The following OVCH1 variants were observed in gnomAD, a reference collection of about 807,000 sequenced individuals.
OVCH1 encodes ovochymase-1.
Under a neutral mutation model 138.4 loss-of-function variants are expected in OVCH1, and 139 were observed. That is an observed-to-expected ratio of 1.00 (90% CI 0.87 to 1.16). OVCH1 has a LOEUF of 1.16. Ranked by LOEUF, OVCH1 falls within the 50% of genes most tolerant of loss-of-function variation. The probability of loss-of-function intolerance (pLI) is 0.00; values close to 1 mark genes in which losing one functional copy is unlikely to be tolerated. For synonymous variants in OVCH1, 453 were observed against 467.8 expected (o/e 0.97, Z 0.41); for missense variants, 1,367 against 1,357.9 (o/e 1.01, Z -0.11).
exon 18 of OVCH1, chr12:29,464,564 C>T (rs1443995137): frequency 1.1e-5 from 17 of 1,613,510 alleles, no homozygotes; most frequent in Non-Finnish European, 1.4e-5. Context: ...AATAGAGGCT[C>T]TGCGCTGTGT....
chr12:29,488,621 A>C (rs924448592), intron 6 of OVCH1, among the ~76,000 whole-genome samples: 2 of 51,246 alleles, frequency 3.9e-5, no homozygotes, highest in Non-Finnish European at 9.4e-5. Flanking sequence ...ACTCCATCTC[A>C]AAAAAAAAAA....
At chr12:29,471,490 G>A (rs2136006580) in intron 16 of OVCH1, among the ~76,000 whole-genome samples, 1 of 152,242 alleles carries the variant, frequency 6.6e-6, no homozygotes, top group Non-Finnish European at 1.5e-5. Flanking sequence ...CATGAGAGGA[G>A]TCTTCAAATA....
Position 29,497,140 on chromosome 12 carries a change from G to A in OVCH1, c.65-466C>T, listed in dbSNP as rs988945299. Among the ~76,000 whole-genome samples the A allele has an allele frequency of 4.6e-5, 7 of 152,132 alleles. No homozygotes were observed. In the South Asian group the frequency reaches 8.3e-4, roughly 18 times the overall value. ...AAAAATTAGCCAAGTGTGGTGGTAC[G>A]TGCCTATGGTCCCAGCTACTCAGGA... On this transcript the variant is annotated intron_variant, in intron 1 of 27. Transcript: ENST00000318184.
rs67595567 is a variant in OVCH1, at chr12:29,488,620, C to CAAAAAAAAAA, written c.703-748_703-739dup. Among the ~76,000 whole-genome samples the CAAAAAAAAAA allele has an allele frequency of 2.3e-3, 141 of 61,732 alleles. 3 individuals are homozygous for CAAAAAAAAAA. The highest frequency in any genetic ancestry group is 8.8e-3 in the African/African-American group (130 of 14,758). 40.5% of individuals were successfully genotyped at this position (61,732 alleles called of 152,430 possible). On this transcript the variant is annotated intron_variant, in intron 6 of 27. Transcript: ENST00000318184. The stretch of plus-strand genomic sequence containing the variant: ...TGGGCAACAGAGTGAGACTCCATCT[C>CAAAAAAAAAA]AAAAAAAAAAAAAAAAAAAAAAAGA...
chr12:29,460,077 A>G (rs963920420), intron 19 of OVCH1, among the ~76,000 whole-genome samples: 1 of 152,142 alleles, frequency 6.6e-6, no homozygotes, highest in African/African-American at 2.4e-5. Context: ...TAAAATCTCA[A>G]CTTCCAGTTT....
At chr12:29,404,457 C>A in the OVCH1 span, among the ~76,000 whole-genome samples, 1 of 152,234 alleles carries the variant, frequency 6.6e-6, no homozygotes, top group Non-Finnish European at 1.5e-5. Flanking sequence ...TTTCTGCTCA[C>A]AACCTAATAG....
chr12:29,449,451 G>T lies in OVCH1; in HGVS notation c.2755+1894C>A, dbSNP rs150226554. 3.5e-3 allele frequency among the ~76,000 whole-genome samples: 539 copies of T among 152,092 alleles called. 2 individuals are homozygous for T. Among genetic ancestry groups the T allele is most frequent in the African/African-American group, 0.012 (512 of 41,494 alleles). ...GCATTGAATCTATAAATTACTTTGG[G>T]CAGTATGGCCATTTTCACAATATTG... is the stretch of plus-strand genomic sequence containing the variant. On this transcript the variant is annotated intron_variant, in intron 22 of 27. Coordinates refer to ENST00000318184, the Ensembl canonical transcript of OVCH1.
intron 3 of OVCH1, among the ~76,000 whole-genome samples, chr12:29,417,157 G>A (rs1030079784): frequency 1.3e-5 from 2 of 152,166 alleles, no homozygotes; most frequent in Non-Finnish European, 2.9e-5. Flanking sequence ...ATTAGTGGTT[G>A]CCAGGGATCT....
At chr12:29,475,853 G>C (rs1162815835) in intron 13 of OVCH1, among the ~76,000 whole-genome samples, 3 of 152,138 alleles carry the variant, frequency 2.0e-5, no homozygotes, top group Non-Finnish European at 4.4e-5. Flanking sequence ...ATAGCTTTTG[G>C]TTACTTTTCC....
Position 29,489,896 on chromosome 12 carries a change from G to A in OVCH1, c.551-125C>T, listed in dbSNP as rs1404678631. On this transcript the variant is annotated intron_variant, in intron 5 of 27. Coordinates refer to ENST00000318184, the Ensembl canonical transcript of OVCH1. Reference sequence around the variant, plus strand: ...CACATGTAGAAGTAATTGTTTTTAGGTGTGAATCATATTCACTTCTAAAAA... The same window carrying A: ...CACATGTAGAAGTAATTGTTTTTAGATGTGAATCATATTCACTTCTAAAAA... The A allele has an allele frequency of 9.4e-6, 10 of 1,063,568 alleles. No homozygotes were observed. In the African/African-American group the frequency reaches 1.1e-4, roughly 12 times the overall value. The allele number at this position is 1,063,568 out of a possible 1,614,324, so 65.9% of individuals were successfully genotyped here.
chr12:29,433,296 C>T (rs1941302144), intron 27 of OVCH1, among the ~76,000 whole-genome samples: 1 of 152,054 alleles, frequency 6.6e-6, no homozygotes, highest in Non-Finnish European at 1.5e-5. Flanking sequence ...ATGTTGTTCT[C>T]GTGATTATGA....
At chr12:29,493,898 G>A (rs773543056) in intron 4 of OVCH1, among the ~76,000 whole-genome samples, 7 of 151,998 alleles carry the variant, frequency 4.6e-5, no homozygotes, top group Non-Finnish European at 8.8e-5. Context: ...AAACTTTATG[G>A]GAATATATTA....
intron 1 of OVCH1, among the ~76,000 whole-genome samples, chr12:29,497,050 C>T (rs1419323503): frequency 1.3e-5 from 2 of 152,138 alleles, no homozygotes; most frequent in African/African-American, 2.4e-5. Context: ...GTAGGCTGAT[C>T]ACTTGAACCC....
At chr12:29,437,725 T>C (rs994235096) in intron 26 of OVCH1, among the ~76,000 whole-genome samples, 4 of 152,196 alleles carry the variant, frequency 2.6e-5, no homozygotes, top group Non-Finnish European at 5.9e-5. Flanking sequence ...GATTGTGTAG[T>C]AACTGGTATG....
intron 16 of OVCH1, among the ~76,000 whole-genome samples, chr12:29,469,709 G>C (rs73278770): frequency 2.3e-5 from 3 of 127,986 alleles, no homozygotes; most frequent in Non-Finnish European, 5.1e-5. Context: ...GCAAGACCCC[G>C]TGTCTTAAAA....
chr12:29,453,136 T>G (rs1941845602), intron 21 of OVCH1, among the ~76,000 whole-genome samples: 1 of 152,140 alleles, frequency 6.6e-6, no homozygotes, highest in Non-Finnish European at 1.5e-5. Flanking sequence ...CTCACTGAAT[T>G]CATTCATTTA....
chr12:29,451,367 T>C (rs1208336165), exon 22 of OVCH1: 1 of 1,612,798 alleles, frequency 6.2e-7, no homozygotes, highest in Admixed American at 1.7e-5. Flanking sequence ...TCTTACTGTG[T>C]CTTTCTTCAT....
intron 19 of OVCH1, among the ~76,000 whole-genome samples, chr12:29,456,086 T>C (rs1044846082): frequency 1.8e-4 from 28 of 152,196 alleles, no homozygotes; most frequent in African/African-American, 6.8e-4. Context: ...ATACCAAAGT[T>C]GCACAATTTC....
chr12:29,410,037 G>C (rs1226926586), downstream of OVCH1, among the ~76,000 whole-genome samples: 1 of 152,120 alleles, frequency 6.6e-6, no homozygotes, highest in Admixed American at 6.6e-5. Context: ...TCTTCTTGTT[G>C]AATTGATCCC....
Sources: allele counts gnomAD v4.1 joint callset (sites outside exome capture counted in the v4.1 genomes callset), GRCh38; gene constraint gnomAD v4.1.1; transcripts MANE v1.5; gene names NCBI Gene and HGNC (gene_info 2026-07-23, HGNC 2026-07-21).